Variants in ARFGEF3 observed in about 807,000 individuals in gnomAD.
ARFGEF3 encodes ARFGEF family member 3, also known as brefeldin A-inhibited guanine nucleotide-exchange protein 3.
Under a neutral mutation model 221.7 loss-of-function variants are expected in ARFGEF3, and 96 were observed. The observed-to-expected ratio is 0.43, with a 90% CI of 0.37 to 0.51. The LOEUF (loss-of-function observed/expected upper bound fraction) is 0.51, where lower values mean the gene tolerates loss of function less well. ARFGEF3 is among the 20% of genes least tolerant of loss of function. The probability of loss-of-function intolerance (pLI) is 0.00; values close to 1 mark genes in which losing one functional copy is unlikely to be tolerated. For synonymous variants in ARFGEF3, 1,145 were observed against 1,126.8 expected (o/e 1.02, Z -0.32); for missense variants, 2,410 against 2,789.9 (o/e 0.86, Z 3.07).
At position 138,322,719 on chromosome 6, in the gene ARFGEF3, C is replaced by T. The variant is rs180753203; in HGVS notation, c.4767-952C>T. On this transcript the variant is annotated intron_variant, in intron 29 of 33. Coordinates refer to ENST00000251691, the MANE Select transcript of ARFGEF3 (RefSeq NM_020340.5). ...CTGAGGCAGGAGAATTGCTTGAACCCGGGAGGCAGAGGTTGCAGTAAGACG... is the reference window on the plus strand; with the variant it reads ...CTGAGGCAGGAGAATTGCTTGAACCTGGGAGGCAGAGGTTGCAGTAAGACG... Among the ~76,000 whole-genome samples the T allele has an allele frequency of 2.9e-3, 438 of 149,358 alleles. 2 individuals carry two copies. The highest frequency in any genetic ancestry group is 0.01 in the African/African-American group (418 of 40,756).
At position 138,296,914 on chromosome 6, in the gene ARFGEF3, G is replaced by A. The variant is rs150402496; in HGVS notation, c.3607G>A (p.Val1203Met). The change falls in exon 21 of 34, where the codon GTG becomes ATG. Residue 1203 changes from valine (V) to methionine (M), a missense_variant. Physicochemically the swap from Val to Met is conservative, Grantham distance 21 (BLOSUM62 1). Coordinates refer to ENST00000251691, the MANE Select transcript of ARFGEF3 (RefSeq NM_020340.5). ...GAGCAAAGCACGGCCCCTGCTCCAC[G>A]TGATGCGCTGCTGGAGCCTTGTGGC... ...VRSKARPLLH[V>M]MRCWSLVAPH... 2.2e-5 allele frequency: 35 copies of A among 1,613,930 alleles called. No homozygotes were observed. Among genetic ancestry groups the A allele is most frequent in the African/African-American group, 1.9e-4 (14 of 75,044 alleles).
chr6:138,300,398 G>A (rs1213919341), intron 22 of ARFGEF3, among the ~76,000 whole-genome samples: 1 of 152,120 alleles, frequency 6.6e-6, no homozygotes, highest in Non-Finnish European at 1.5e-5. Flanking sequence ...ACCAATAAGA[G>A]TGAACTAGGT....
chr6:138,274,437 C>T (rs748634938), intron 12 of ARFGEF3, among the ~76,000 whole-genome samples: 2 of 152,174 alleles, frequency 1.3e-5, no homozygotes, highest in Non-Finnish European at 2.9e-5. Context: ...GGCTGAGATA[C>T]ACTGCTCATG....
chr6:138,302,535 A>G (rs974457827), intron 22 of ARFGEF3, among the ~76,000 whole-genome samples: 4 of 152,196 alleles, frequency 2.6e-5, no homozygotes, highest in African/African-American at 9.6e-5. Flanking sequence ...AAATATATTT[A>G]AAGAAATAGT....
At chr6:138,184,117 T>A (rs893968051) in intron 2 of ARFGEF3, among the ~76,000 whole-genome samples, 2 of 152,174 alleles carry the variant, frequency 1.3e-5, no homozygotes, top group Non-Finnish European at 2.9e-5. Flanking sequence ...CTATTTAAAA[T>A]TTGGATTGTA....
rs1273376296 is a variant in ARFGEF3, at chr6:138,162,444, T to C, written c.85+273T>C. On this transcript the variant is annotated intron_variant, in intron 1 of 33. Coordinates refer to ENST00000251691, the MANE Select transcript of ARFGEF3 (RefSeq NM_020340.5). This position sits in a 1 kb window ranked among gnomAD's most constrained non-coding sequence, Gnocchi z 4.7. The stretch of plus-strand genomic sequence containing the variant: ...GGCCCCCTTCTCCTGGTCCCGGCGC[T>C]GGGGACGATGCTTCCCCATCGCCGA... Among the ~76,000 whole-genome samples, 1 of 152,070 alleles carries C rather than the reference T, an allele frequency of 6.6e-6. No individual in the cohort carries two copies. The highest frequency in any genetic ancestry group is 1.5e-5 in the Non-Finnish European group (1 of 67,998).
At chr6:138,259,592 C>T (rs573317905) in intron 10 of ARFGEF3, among the ~76,000 whole-genome samples, 1 of 152,242 alleles carries the variant, frequency 6.6e-6, no homozygotes, top group Non-Finnish European at 1.5e-5. Context: ...CCTTACCAAT[C>T]CATCCCTTTC....
chr6:138,227,638 G>C (rs183810960), intron 4 of ARFGEF3, among the ~76,000 whole-genome samples: 9 of 152,022 alleles, frequency 5.9e-5, no homozygotes, highest in Non-Finnish European at 1.2e-4. Context: ...CCCGCCCCCC[G>C]CCATGAAACA....
Position 138,178,389 on chromosome 6 carries a change from A to G in ARFGEF3, c.137+7676A>G, listed in dbSNP as rs78292152. Among the ~76,000 whole-genome samples, 279 of 152,260 alleles carry G rather than the reference A, an allele frequency of 1.8e-3. 2 individuals are homozygous for G. The highest frequency in any genetic ancestry group is 5.8e-3 in the African/African-American group (241 of 41,530). On this transcript the variant is annotated intron_variant, in intron 2 of 33. Transcript: ENST00000251691. ...ATGTTCTGGGCTGCTCTCTTCATCA[A>G]AATTGCCCAGTGTGTGTCTTATAAC...
intron 14 of ARFGEF3, among the ~76,000 whole-genome samples, chr6:138,283,014 GCACTT>G: frequency 6.6e-6 from 1 of 152,004 alleles, no homozygotes; most frequent in East Asian, 1.9e-4. Flanking sequence ...TCGCGTCACT[GCACTT>G]CAGCCTGAGC....
chr6:138,271,085 C>T (rs1217993483), intron 12 of ARFGEF3, among the ~76,000 whole-genome samples: 1 of 152,106 alleles, frequency 6.6e-6, no homozygotes, highest in African/African-American at 2.4e-5. Context: ...AGTTTGCTTG[C>T]TTGCTTTAAT....
intron 4 of ARFGEF3, among the ~76,000 whole-genome samples, chr6:138,215,630 G>A (rs1777827678): frequency 6.6e-6 from 1 of 152,080 alleles, no homozygotes; most frequent in African/African-American, 2.4e-5. Context: ...AGGCTTGTGG[G>A]TGCTAGTCAC....
intron 19 of ARFGEF3, 104 bp from the exon 20 acceptor site, chr6:138,293,889 C>A: frequency 8.8e-7 from 1 of 1,136,540 alleles, no homozygotes; most frequent in Non-Finnish European, 1.3e-6. Flanking sequence ...AGTGTTTACA[C>A]AGCATTTCCA....
In ARFGEF3 at chr6:138,221,003, G is replaced by T. The variant is rs117209829; in HGVS notation, c.352-8781G>T. ...GCAGTAGGCAGTTCAGGCTGGGCTC[G>T]GCTGTCCTGTTCTTTTGCTGATCCC... On this transcript the variant is annotated intron_variant, in intron 4 of 33. Coordinates refer to ENST00000251691, the MANE Select transcript of ARFGEF3 (RefSeq NM_020340.5). Among the ~76,000 whole-genome samples the T allele has an allele frequency of 3.3e-5, 5 of 152,260 alleles. No homozygotes were observed. In the South Asian group the frequency reaches 1.0e-3, roughly 32 times the overall value.
intron 19 of ARFGEF3, among the ~76,000 whole-genome samples, chr6:138,293,053 T>C (rs6936297): frequency 0.17 from 25,770 of 152,208 alleles, 2,441 homozygotes; most frequent in South Asian, 0.26. Context: ...AATTTATAAA[T>C]GTTTAATCCG....
rs557150275 is a variant in ARFGEF3 at position 138,310,413 on chromosome 6, G to T, written c.4097-994G>T. ...TAAAACATAGCCATGTTCATTTGTCGATGGCTGCTTCCATACTACCAGGCA... is the reference window on the plus strand; with the variant it reads ...TAAAACATAGCCATGTTCATTTGTCTATGGCTGCTTCCATACTACCAGGCA... On this transcript the variant is annotated intron_variant, in intron 24 of 33. Coordinates refer to ENST00000251691, the MANE Select transcript of ARFGEF3 (RefSeq NM_020340.5). 4.6e-5 allele frequency among the ~76,000 whole-genome samples: 7 copies of T among 152,296 alleles called. No individual in the cohort carries two copies. The South Asian group carries it at 1.4e-3, about 32-fold the overall frequency.
At chr6:138,280,744 G>T (rs1346423954) in intron 14 of ARFGEF3, among the ~76,000 whole-genome samples, 1 of 152,152 alleles carries the variant, frequency 6.6e-6, no homozygotes, top group Admixed American at 6.5e-5. Flanking sequence ...CCAGCTACTT[G>T]GGAGGCTAAG....
At position 138,276,108 on chromosome 6, in the gene ARFGEF3, G is replaced by A. The variant is rs542514244; in HGVS notation, c.2129-2343G>A. Among the ~76,000 whole-genome samples the A allele has an allele frequency of 9.2e-5, 12 of 130,066 alleles. No homozygotes were observed. In the East Asian group the frequency reaches 1.7e-3, roughly 18 times the overall value. 85.3% of individuals were successfully genotyped at this position (130,066 alleles called of 152,430 possible). On this transcript the variant is annotated intron_variant, in intron 12 of 33. Transcript: ENST00000251691. ...CAAGGTGCTCTGAGAGGAGTGGCTC[G>A]GTGTGTTTTGTTCCACACTTGGCTG...
At chr6:138,285,084 T>TAAAAATAATAC (rs1399968123) in intron 14 of ARFGEF3, among the ~76,000 whole-genome samples, 4 of 152,172 alleles carry the variant, frequency 2.6e-5, no homozygotes, top group Non-Finnish European at 1.5e-5. Context: ...CTCTGTGAAA[T>TAAAAATAATAC]AAAAATAATA....
Sources: gnomAD v4.1 joint callset for allele counts (sites outside exome capture counted in the v4.1 genomes callset) on GRCh38, gnomAD v4.1.1 for gene constraint, Gnocchi (gnomAD v3.1) non-coding constraint, MANE v1.5 for transcripts, NCBI Gene and HGNC (gene_info 2026-07-23, HGNC 2026-07-21) for gene names.